NAALADL2: variants seen among roughly 807,000 people sequenced by gnomAD.
NAALADL2 encodes the protein inactive N-acetylated-alpha-linked acidic dipeptidase-like protein 2.
A neutral mutation model predicts 87.2 loss-of-function variants in NAALADL2; 76 were observed. The ratio of observed to expected loss-of-function variants is 0.87; its 90% CI spans 0.72 to 1.05. The LOEUF is 1.05. Ranked by LOEUF, NAALADL2 falls within the 50% of genes least tolerant of loss-of-function variation. The pLI, the probability that NAALADL2 is intolerant of heterozygous loss-of-function variation, is 0.00. For synonymous variants in NAALADL2, 354 were observed against 331.0 expected, an observed-to-expected ratio of 1.07 and a Z score of -0.75; for missense variants, 1,089 against 945.8, an observed-to-expected ratio of 1.15 and a Z score of -1.99.
At chr3:174,671,067 A>G (rs1726485765) in intron 2 of NAALADL2, among the ~76,000 whole-genome samples, 1 of 152,046 alleles carries the variant, frequency 6.6e-6, no homozygotes, top group Admixed American at 6.6e-5. Flanking sequence ...GTAACTTCTG[A>G]GACCTCCCCA....
At chr3:175,543,995 A>C (rs897813669) in intron 9 of NAALADL2, among the ~76,000 whole-genome samples, 13 of 152,290 alleles carry the variant, frequency 8.5e-5, no homozygotes, top group African/African-American at 3.1e-4. Context: ...GTGGTTAGTT[A>C]CTTCTCAGAA....
At chr3:174,476,964 C>A (rs541458700) in intron 1 of NAALADL2, among the ~76,000 whole-genome samples, 1 of 151,960 alleles carries the variant, frequency 6.6e-6, no homozygotes, top group East Asian at 1.9e-4. Context: ...TGAGGTAGGT[C>A]TCTAAATGTT....
At chr3:175,505,510 A>G (rs577888016) in intron 9 of NAALADL2, among the ~76,000 whole-genome samples, 2 of 152,296 alleles carry the variant, frequency 1.3e-5, no homozygotes, top group Non-Finnish European at 2.9e-5. Flanking sequence ...ACTTGTAGGA[A>G]TGAAAAAGTC....
intron 2 of NAALADL2, among the ~76,000 whole-genome samples, chr3:175,112,894 G>A (rs1724444344): frequency 6.6e-6 from 1 of 151,516 alleles, no homozygotes. Context: ...AGAAAAGATG[G>A]GCACTGAAGG....
intron 5 of NAALADL2, among the ~76,000 whole-genome samples, chr3:175,417,347 A>G (rs1229054168): frequency 6.6e-6 from 1 of 152,048 alleles, no homozygotes; most frequent in East Asian, 1.9e-4. Flanking sequence ...ATTTAATTCA[A>G]TAATAATCCT....
rs957778212 is a variant in NAALADL2, at chr3:175,080,272, A to T, written c.44-16518A>T. Among the ~76,000 whole-genome samples, 11 of 152,230 alleles carry T rather than the reference A, an allele frequency of 7.2e-5. No homozygotes were observed. The East Asian group carries it at 1.9e-3, about 27-fold the overall frequency. Reference sequence around the variant, plus strand: ...AGCCACTGTGCCCGGCGAACTATAGACTATTTTTAGAATAACTGTTAAGAG... The same window carrying T: ...AGCCACTGTGCCCGGCGAACTATAGTCTATTTTTAGAATAACTGTTAAGAG... On this transcript the variant is annotated intron_variant, in intron 1 of 13. Coordinates refer to ENST00000454872, the MANE Select transcript of NAALADL2 (RefSeq NM_207015.3).
At chr3:174,802,356 CAG>C (rs998236340) in intron 3 of NAALADL2, among the ~76,000 whole-genome samples, 2 of 151,964 alleles carry the variant, frequency 1.3e-5, no homozygotes, top group Non-Finnish European at 2.9e-5. Context: ...AGATATAAAA[CAG>C]AATTAAATCT....
At chr3:175,394,212 A>T (rs768581072) in intron 5 of NAALADL2, among the ~76,000 whole-genome samples, 1 of 152,234 alleles carries the variant, frequency 6.6e-6, no homozygotes, top group Non-Finnish European at 1.5e-5. Flanking sequence ...AGACCAAATG[A>T]AATCAATGAT....
chr3:175,046,428 ATTG>A (rs1207600414), intron 1 of NAALADL2, among the ~76,000 whole-genome samples: 1 of 151,980 alleles, frequency 6.6e-6, no homozygotes, highest in East Asian at 1.9e-4. Context: ...TCATAAATCT[ATTG>A]TTGTCCATAT....
chr3:175,093,414 T>TATATATATATATATATATA lies in NAALADL2; in HGVS notation c.44-3376_44-3375insATATATATATATATATATA, dbSNP rs1553771396. Among the ~76,000 whole-genome samples, 445 of 117,636 alleles carry TATATATATATATATATATA rather than the reference T, an allele frequency of 3.8e-3. 2 individuals carry two copies. Among genetic ancestry groups the TATATATATATATATATATA allele is most frequent in the African/African-American group, 5.6e-3 (136 of 24,296 alleles). 77.2% of individuals were successfully genotyped at this position (117,636 alleles called of 152,430 possible). On this transcript the variant is annotated intron_variant, in intron 1 of 13. Coordinates refer to ENST00000454872, the MANE Select transcript of NAALADL2 (RefSeq NM_207015.3). ...TTTTTTTGTTGAGTTCATTTTATTT[T>TATATATATATATATATATA]TTTATATATATATATATATGTTTTA... is the stretch of plus-strand genomic sequence containing the variant.
At chr3:175,116,992 A>G (rs1158931877) in intron 2 of NAALADL2, among the ~76,000 whole-genome samples, 1 of 152,138 alleles carries the variant, frequency 6.6e-6, no homozygotes, top group Non-Finnish European at 1.5e-5. Context: ...GACAAACCTG[A>G]CAAAAACAAG....
At chr3:175,802,074 A>C (rs1243015607) in intron 13 of NAALADL2, among the ~76,000 whole-genome samples, 1 of 152,116 alleles carries the variant, frequency 6.6e-6, no homozygotes, top group Non-Finnish European at 1.5e-5. Context: ...CCACTCTCTC[A>C]TCTGCCCTCC....
intron 9 of NAALADL2, among the ~76,000 whole-genome samples, chr3:175,531,794 G>T (rs1397801791): frequency 1.3e-5 from 2 of 152,148 alleles, no homozygotes; most frequent in African/African-American, 4.8e-5. Flanking sequence ...GTCACCACTT[G>T]GTTAAGCTTA....
intron 9 of NAALADL2, among the ~76,000 whole-genome samples, chr3:175,504,100 T>G (rs1156583313): frequency 6.6e-6 from 1 of 152,240 alleles, no homozygotes; most frequent in Non-Finnish European, 1.5e-5. Flanking sequence ...TTGAGTTGAT[T>G]TCTGTATAAA....
At position 175,343,655 on chromosome 3, in the gene NAALADL2, GTTTTTTT is replaced by G. The variant is rs113806607; in HGVS notation, c.1090+19345_1090+19351del. On this transcript the variant is annotated intron_variant, in intron 5 of 13. Transcript: ENST00000454872. ...TGGAGTTCCTGTGTGTCTTGATCAT[GTTTTTTT>G]TTTTTTTTTTTTTTCCCTTCCCACT... 8.4e-3 allele frequency among the ~76,000 whole-genome samples: 546 copies of G among 64,726 alleles called. 23 individuals are homozygous for G. The highest frequency in any genetic ancestry group is 0.023 in the African/African-American group (510 of 21,862). The allele number at this position is 64,726 out of a possible 152,430, so 42.5% of individuals were successfully genotyped here.
At chr3:174,880,719 CT>C (rs1275549757) in intron 1 of NAALADL2, among the ~76,000 whole-genome samples, 1 of 152,122 alleles carries the variant, frequency 6.6e-6, no homozygotes, top group Non-Finnish European at 1.5e-5. Context: ...TCAAATATTA[CT>C]TCTTAATTAG....
intron 1 of NAALADL2, among the ~76,000 whole-genome samples, chr3:175,079,885 T>C (rs755242771): frequency 1.9e-4 from 29 of 152,196 alleles, no homozygotes; most frequent in Non-Finnish European, 5.9e-5. Context: ...TCAATTTAGC[T>C]TTCTGTCTTT....
At chr3:175,730,252 A>T (rs982776856) in intron 11 of NAALADL2, among the ~76,000 whole-genome samples, 1 of 151,272 alleles carries the variant, frequency 6.6e-6, no homozygotes, top group African/African-American at 2.4e-5. Context: ...TTCTTTCTAC[A>T]TTGGTCTGGT....
chr3:175,700,511 G>A (rs1400751229), intron 11 of NAALADL2, among the ~76,000 whole-genome samples: 4 of 152,246 alleles, frequency 2.6e-5, no homozygotes, highest in Non-Finnish European at 2.9e-5. Context: ...CTGATGATAC[G>A]TATTGAAGAT....
Sources: gnomAD v4.1 joint callset for allele counts (sites outside exome capture counted in the v4.1 genomes callset) on GRCh38, gnomAD v4.1.1 for gene constraint, MANE v1.5 for transcripts, NCBI Gene and HGNC (gene_info 2026-07-23, HGNC 2026-07-21) for gene names.